Variants in TDRD7 observed in about 807,000 individuals in gnomAD.
The protein encoded by TDRD7 is tudor domain-containing protein 7.
Under a neutral mutation model 109.8 loss-of-function variants are expected in TDRD7, and 47 were observed. The observed-to-expected ratio is 0.43, with a 90% CI of 0.34 to 0.55. TDRD7 has a LOEUF of 0.55. Ranked by LOEUF, TDRD7 falls within the 20% of genes least tolerant of loss-of-function variation. The probability of loss-of-function intolerance (pLI) is 0.03; values close to 1 mark genes in which losing one functional copy is unlikely to be tolerated. For missense variants in TDRD7, 1,164 were observed against 1,319.2 expected, an observed-to-expected ratio of 0.88 and a Z score of 1.82; for synonymous variants, 424 against 457.3, an observed-to-expected ratio of 0.93 and a Z score of 0.93.
chr9:97,485,261 C>T (rs186322461), intron 15 of TDRD7, among the ~76,000 whole-genome samples: 1 of 152,258 alleles, frequency 6.6e-6, no homozygotes, highest in Admixed American at 6.5e-5. Context: ...TCTTCCTTAC[C>T]CCAGGCATTC....
At position 97,487,211 on chromosome 9, in the gene TDRD7, A is replaced by G. The variant is rs201216195; in HGVS notation, c.2955A>G (p.Gly985=). 2.5e-5 allele frequency: 41 copies of G among 1,613,878 alleles called. No homozygotes were observed. Among genetic ancestry groups the G allele is most frequent in the Non-Finnish European group, 4.2e-6 (5 of 1,179,924 alleles). ...RVLLKGILTN[G]LVSVYELDYG... Reference sequence around the variant, plus strand: ...TTTTAAAAGGAATCCTGACCAATGGACTGGTATCTGTGTATGAGCTGGATT... The same window carrying G: ...TTTTAAAAGGAATCCTGACCAATGGGCTGGTATCTGTGTATGAGCTGGATT... The change falls in exon 16 of 17, where the codon GGA becomes GGG. Residue 985 remains glycine, a synonymous_variant. Transcript: ENST00000355295.
chr9:97,414,804 A>G (rs1321841366), intron 1 of TDRD7, among the ~76,000 whole-genome samples: 2 of 152,232 alleles, frequency 1.3e-5, no homozygotes, highest in South Asian at 2.1e-4. Flanking sequence ...TTGAAGTGGT[A>G]ACAGACTATG....
rs568139629 is a variant in TDRD7 at position 97,449,625 on chromosome 9, T to A, written c.855+7750T>A. Among the ~76,000 whole-genome samples, 29 of 152,252 alleles carry A rather than the reference T, an allele frequency of 1.9e-4. 2 individuals are homozygous for A. Among genetic ancestry groups the A allele is most frequent in the African/African-American group, 7.0e-4 (29 of 41,562 alleles). On this transcript the variant is annotated intron_variant, in intron 6 of 16. Coordinates refer to ENST00000355295, the MANE Select transcript of TDRD7 (RefSeq NM_014290.3). ...CCCTCCAGGCAGCCCTCCAAACCTG[T>A]CATCTTGGGGTTTTATGGAGGCTTC...
intron 11 of TDRD7, among the ~76,000 whole-genome samples, chr9:97,473,955 G>A (rs1828966016): frequency 6.6e-6 from 1 of 152,210 alleles, no homozygotes; most frequent in African/African-American, 2.4e-5. Flanking sequence ...CCACAGTGCA[G>A]CTGCCTGTGA....
At chr9:97,471,913 T>C (rs1223898313) in intron 9 of TDRD7, among the ~76,000 whole-genome samples, 2 of 152,204 alleles carry the variant, frequency 1.3e-5, no homozygotes, top group African/African-American at 4.8e-5. Context: ...TGTATATATG[T>C]AGGAAGTGCA....
intron 9 of TDRD7, among the ~76,000 whole-genome samples, chr9:97,471,045 T>C (rs1051146126): frequency 6.6e-5 from 10 of 152,096 alleles, no homozygotes; most frequent in African/African-American, 2.2e-4. Flanking sequence ...AGATGTACTG[T>C]GGTGATGCTG....
intron 10 of TDRD7, among the ~76,000 whole-genome samples, chr9:97,472,891 C>CAT (rs1195327221): frequency 6.6e-6 from 1 of 151,612 alleles, no homozygotes; most frequent in Admixed American, 6.6e-5. Context: ...AATATCTACC[C>CAT]AAGAGAATAG....
intron 6 of TDRD7, among the ~76,000 whole-genome samples, chr9:97,449,394 C>T (rs972120556): frequency 7.2e-5 from 11 of 152,184 alleles, no homozygotes; most frequent in African/African-American, 2.7e-4. Context: ...ATCCAGGCCT[C>T]CAGAACTTCT....
intron 14 of TDRD7, among the ~76,000 whole-genome samples, chr9:97,481,444 T>C (rs904220279): frequency 1.3e-5 from 2 of 152,346 alleles, no homozygotes; most frequent in South Asian, 2.1e-4. Flanking sequence ...TTCTGTACTT[T>C]TGCATCTTTA....
intron 7 of TDRD7, among the ~76,000 whole-genome samples, chr9:97,461,287 G>T (rs1564206621): frequency 6.6e-6 from 1 of 152,104 alleles, no homozygotes; most frequent in African/African-American, 2.4e-5. Context: ...ATATGAACTT[G>T]AAAAAAAGAT....
intron 4 of TDRD7, among the ~76,000 whole-genome samples, chr9:97,433,239 G>A (rs1828135585): frequency 6.6e-6 from 1 of 152,000 alleles, no homozygotes; most frequent in African/African-American, 2.4e-5. Flanking sequence ...AAGTTAGGTA[G>A]AGTTGGTACT....
chr9:97,484,346 C>T (rs910653036), intron 15 of TDRD7, among the ~76,000 whole-genome samples: 1 of 152,134 alleles, frequency 6.6e-6, no homozygotes, highest in African/African-American at 2.4e-5. Context: ...GTCCACTTTC[C>T]ACTCAGGCCA....
chr9:97,487,977 G>A (rs1027304254), intron 16 of TDRD7, among the ~76,000 whole-genome samples: 2 of 152,134 alleles, frequency 1.3e-5, no homozygotes, highest in African/African-American at 2.4e-5. Flanking sequence ...ACAACTAACA[G>A]CATACAAGGG....
intron 1 of TDRD7, among the ~76,000 whole-genome samples, chr9:97,425,262 T>C (rs564599328): frequency 1.3e-5 from 2 of 152,340 alleles, no homozygotes; most frequent in African/African-American, 4.8e-5. Flanking sequence ...AAGGAAGATT[T>C]TGATATTTAG....
At chr9:97,457,684 G>GTA (rs1422507560) in intron 6 of TDRD7, among the ~76,000 whole-genome samples, 1 of 152,052 alleles carries the variant, frequency 6.6e-6, no homozygotes, top group Non-Finnish European at 1.5e-5. Flanking sequence ...GGCCACACAC[G>GTA]TATGTTTATT....
At chr9:97,487,697 G>T (rs1829235435) in intron 16 of TDRD7, among the ~76,000 whole-genome samples, 1 of 149,930 alleles carries the variant, frequency 6.7e-6, no homozygotes, top group Admixed American at 6.6e-5. Context: ...GTTTTTAATG[G>T]GTGCAAAAAT....
chr9:97,494,726 C>CGAGA (rs5899309), intron 16 of TDRD7, among the ~76,000 whole-genome samples: 2,871 of 138,928 alleles, frequency 0.021, 103 homozygotes, highest in African/African-American at 0.068. Flanking sequence ...TTTTTTTTTT[C>CGAGA]GAGAGGGTCT....
intron 4 of TDRD7, among the ~76,000 whole-genome samples, chr9:97,434,123 TGAATGAATGGATAAA>T (rs1828154243): frequency 6.6e-6 from 1 of 152,188 alleles, no homozygotes; most frequent in South Asian, 2.1e-4. Context: ...TGTCCATTAA[TGAATGAATGGATAAA>T]GAATATGCGT....
chr9:97,490,997 C>A (rs1213356153), intron 16 of TDRD7, among the ~76,000 whole-genome samples: 1 of 146,740 alleles, frequency 6.8e-6, no homozygotes, highest in African/African-American at 2.5e-5. Flanking sequence ...CTCACTGCAA[C>A]CTCCGCCTCC....
Sources: gnomAD v4.1 joint callset for allele counts (sites outside exome capture counted in the v4.1 genomes callset) on GRCh38, gnomAD v4.1.1 for gene constraint, MANE v1.5 for transcripts, NCBI Gene and HGNC (gene_info 2026-07-23, HGNC 2026-07-21) for gene names.